Variants in KALRN observed in about 807,000 individuals in gnomAD.
KALRN encodes kalirin.
A neutral mutation model predicts 353.7 loss-of-function variants in KALRN; 70 were observed. That is an observed-to-expected ratio of 0.20 (90% CI 0.16 to 0.24). The LOEUF is 0.24. Among genes scored for constraint, KALRN ranks in the 10% least tolerant of loss-of-function variants. The pLI, the probability that KALRN is intolerant of heterozygous loss-of-function variation, is 1.00. For synonymous variants in KALRN, 1,391 were observed against 1,434.8 expected, an observed-to-expected ratio of 0.97 and a Z score of 0.69; for missense variants, 2,791 against 3,756.7, an observed-to-expected ratio of 0.74 and a Z score of 6.72.
intron 3 of KALRN, among the ~76,000 whole-genome samples, chr3:124,253,970 T>C (rs2148787609): frequency 6.6e-6 from 1 of 152,276 alleles, no homozygotes; most frequent in South Asian, 2.1e-4. Flanking sequence ...CCAGCAGCTG[T>C]TTTAAGTGGG....
At chr3:124,107,832 G>A (rs192296042) in intron 1 of KALRN, among the ~76,000 whole-genome samples, 245 of 152,284 alleles carry the variant, frequency 1.6e-3, no homozygotes, top group African/African-American at 5.5e-3. Flanking sequence ...TACATTACAG[G>A]CTGGAAAATC....
Position 124,250,877 on chromosome 3 carries a change from G to T in KALRN, c.264-13621G>T, listed in dbSNP as rs184855758. Among the ~76,000 whole-genome samples the T allele has an allele frequency of 3.0e-4, 45 of 152,114 alleles. No individual in the cohort carries two copies. The East Asian group carries it at 7.5e-3, about 25-fold the overall frequency. ...AGGGATGAACAGCTCTGTGAGGGAG[G>T]GTGGGAAATAGGGCAGGAAGCTGCT... is the stretch of plus-strand genomic sequence containing the variant. On this transcript the variant is annotated intron_variant, in intron 3 of 59. Coordinates refer to ENST00000682506, the MANE Select transcript of KALRN (RefSeq NM_001388419.1).
At chr3:124,499,094 A>C (rs975680471) in intron 33 of KALRN, among the ~76,000 whole-genome samples, 1 of 152,160 alleles carries the variant, frequency 6.6e-6, no homozygotes, top group Admixed American at 6.5e-5. Flanking sequence ...AAAATGCCCC[A>C]GTCTTCCTCT....
chr3:124,287,755 G>T, intron 5 of KALRN, among the ~76,000 whole-genome samples: 1 of 91,366 alleles, frequency 1.1e-5, no homozygotes, highest in East Asian at 3.3e-4. Context: ...GAAAATCAAT[G>T]GTAGGGCCTA....
intron 33 of KALRN, chr3:124,504,855 T>G (rs757311582): frequency 4.2e-6 from 2 of 480,132 alleles, no homozygotes; most frequent in East Asian, 1.3e-4. Context: ...TCCACTTTAT[T>G]ATTAGAATTT....
intron 34 of KALRN, chr3:124,584,718 G>C: frequency 1.3e-6 from 2 of 1,488,446 alleles, no homozygotes; most frequent in Non-Finnish European, 1.8e-6. Context: ...CGGGGAGGGC[G>C]GGAGCCGGCT....
intron 21 of KALRN, among the ~76,000 whole-genome samples, chr3:124,451,987 C>T (rs932001843): frequency 1.3e-5 from 2 of 152,220 alleles, no homozygotes; most frequent in Admixed American, 6.5e-5. Flanking sequence ...ATTGACCCAG[C>T]TTATTTCTAG....
intron 33 of KALRN, among the ~76,000 whole-genome samples, chr3:124,541,686 C>A (rs1295760696): frequency 1.3e-5 from 2 of 149,960 alleles, no homozygotes; most frequent in Middle Eastern, 3.4e-3. Context: ...AGTTTGAGAT[C>A]AACCTGGCCA....
At chr3:124,709,765 G>T (rs966249700) in intron 57 of KALRN, among the ~76,000 whole-genome samples, 1 of 152,134 alleles carries the variant, frequency 6.6e-6, no homozygotes, top group Admixed American at 6.5e-5. Flanking sequence ...AGAAGGAATT[G>T]TTTCTAAAAA....
chr3:124,112,521 G>T (rs2063083294), intron 1 of KALRN, among the ~76,000 whole-genome samples: 1 of 152,068 alleles, frequency 6.6e-6, no homozygotes, highest in Non-Finnish European at 1.5e-5. Context: ...TGGACAAGAG[G>T]CCCCAGAGAG....
intron 33 of KALRN, among the ~76,000 whole-genome samples, chr3:124,501,557 G>A (rs927664859): frequency 9.2e-5 from 14 of 152,136 alleles, no homozygotes; most frequent in Admixed American, 1.3e-4. Context: ...ATAATAAGCC[G>A]TAGCATGACG....
intron 43 of KALRN, 74 bp from the exon 44 acceptor site, chr3:124,660,849 T>G (rs2084775694): frequency 2.9e-6 from 3 of 1,025,246 alleles, no homozygotes; most frequent in Non-Finnish European, 4.7e-6. Context: ...TGTATTTTTA[T>G]GATAAGTTTT....
At chr3:124,329,233 C>A (rs530315511) in intron 7 of KALRN, among the ~76,000 whole-genome samples, 107 of 152,290 alleles carry the variant, frequency 7.0e-4, no homozygotes, top group African/African-American at 2.4e-3. Context: ...GTCTATATAT[C>A]ACAACCTGGG....
chr3:124,298,003 T>C (rs1407509003), intron 5 of KALRN, among the ~76,000 whole-genome samples: 1 of 152,252 alleles, frequency 6.6e-6, no homozygotes, highest in African/African-American at 2.4e-5. Flanking sequence ...TTGTACTAAA[T>C]TGGATCACAT....
intron 1 of KALRN, among the ~76,000 whole-genome samples, chr3:124,190,707 A>G (rs1171141352): frequency 6.6e-6 from 1 of 152,206 alleles, no homozygotes; most frequent in Admixed American, 6.5e-5. Context: ...GTTACAGTAG[A>G]GATAGGAAAA....
chr3:124,345,711 G>A (rs1346911526), intron 9 of KALRN, among the ~76,000 whole-genome samples: 1 of 152,088 alleles, frequency 6.6e-6, no homozygotes, highest in East Asian at 1.9e-4. Context: ...TTCATTAAGT[G>A]GATATTTGTT....
chr3:124,127,489 C>G (rs1211249413), intron 1 of KALRN, among the ~76,000 whole-genome samples: 1 of 152,180 alleles, frequency 6.6e-6, no homozygotes, highest in Non-Finnish European at 1.5e-5. Flanking sequence ...CCAAACTTCC[C>G]TCTTTCAGGA....
In KALRN at chr3:124,216,134, A is replaced by G. The variant is rs530128376; in HGVS notation, c.74-11856A>G. Among the ~76,000 whole-genome samples the G allele has an allele frequency of 1.4e-4, 22 of 152,342 alleles. No individual in the cohort carries two copies. In the South Asian group the frequency reaches 3.7e-3, roughly 26 times the overall value. ...GAGAGAACCACCTCTAATAAAGCTTATTCTTACAGCACAGGATCTTTCAGA... is the reference window on the plus strand; with the variant it reads ...GAGAGAACCACCTCTAATAAAGCTTGTTCTTACAGCACAGGATCTTTCAGA... On this transcript the variant is annotated intron_variant, in intron 1 of 59. Coordinates refer to ENST00000682506, the MANE Select transcript of KALRN (RefSeq NM_001388419.1).
At chr3:124,647,012 A>C (rs1235486315) in intron 37 of KALRN, among the ~76,000 whole-genome samples, 4 of 152,092 alleles carry the variant, frequency 2.6e-5, no homozygotes, top group Admixed American at 1.3e-4. Context: ...CCTGCTTACA[A>C]CCCTTCCATC....
Sources: allele counts gnomAD v4.1 joint callset (sites outside exome capture counted in the v4.1 genomes callset), GRCh38; gene constraint gnomAD v4.1.1; transcripts MANE v1.5; gene names NCBI Gene and HGNC (gene_info 2026-07-23, HGNC 2026-07-21).